Variants in SLC6A5 observed in about 807,000 individuals in gnomAD.
SLC6A5 encodes the protein solute carrier family 6 member 5, also known as sodium- and chloride-dependent glycine transporter 2.
In SLC6A5, 58 loss-of-function variants were observed where a neutral mutation model predicts 90.5. The ratio of observed to expected loss-of-function variants is 0.64; its 90% confidence interval spans 0.52 to 0.80. The LOEUF (loss-of-function observed/expected upper bound fraction) is 0.80, where lower values mean the gene tolerates loss of function less well. Among genes scored for constraint, SLC6A5 ranks in the 30% least tolerant of loss-of-function variants. The pLI is 0.00. For missense variants in SLC6A5, 1,015 were observed against 1,017.6 expected (o/e 1.00, Z 0.03); for synonymous variants, 427 against 401.4 (o/e 1.06, Z -0.76).
At chr11:20,650,762 G>T (rs947211006) in intron 14 of SLC6A5, among the ~76,000 whole-genome samples, 3 of 145,056 alleles carry the variant, frequency 2.1e-5, no homozygotes, top group Non-Finnish European at 3.0e-5. Context: ...CGCCTCCCGG[G>T]TTCACGCCAT....
At chr11:20,627,603 A>G (rs1339173951) in intron 8 of SLC6A5, among the ~76,000 whole-genome samples, 1 of 152,220 alleles carries the variant, frequency 6.6e-6, no homozygotes, top group Non-Finnish European at 1.5e-5. Context: ...CAGAAATGTC[A>G]GTTAAAAAGG....
chr11:20,628,293 G>T (rs1220303894), intron 9 of SLC6A5, among the ~76,000 whole-genome samples: 1 of 152,180 alleles, frequency 6.6e-6, no homozygotes, highest in Non-Finnish European at 1.5e-5. Context: ...TCTGACACAT[G>T]GGGGAGGCTC....
chr11:20,639,580 A>G (rs947145326), intron 13 of SLC6A5, among the ~76,000 whole-genome samples: 5 of 152,154 alleles, frequency 3.3e-5, no homozygotes, highest in African/African-American at 1.2e-4. Flanking sequence ...GGCCCAGCAA[A>G]GCTCACCCTA....
At chr11:20,653,880 T>A (rs1051101082) in intron 15 of SLC6A5, among the ~76,000 whole-genome samples, 1 of 152,210 alleles carries the variant, frequency 6.6e-6, no homozygotes, top group African/African-American at 2.4e-5. Context: ...GTTGGCTATA[T>A]AAATTTATTA....
chr11:20,635,108 C>G (rs1457441326), intron 10 of SLC6A5, among the ~76,000 whole-genome samples: 1 of 152,068 alleles, frequency 6.6e-6, no homozygotes, highest in Admixed American at 6.6e-5. Flanking sequence ...ATCAGAACCG[C>G]TAACTTCCAA....
At chr11:20,650,714 T>C (rs1045468583) in intron 14 of SLC6A5, among the ~76,000 whole-genome samples, 27 of 133,882 alleles carry the variant, frequency 2.0e-4, no homozygotes, top group Non-Finnish European at 3.1e-4. Context: ...TCGCCCAGGC[T>C]GGAGTGCAGT....
chr11:20,656,666 G>C lies in SLC6A5; in HGVS notation c.*1798G>C, dbSNP rs1853640406. The C allele has an allele frequency of 1.3e-5, 2 of 152,198 alleles. No homozygotes were observed. Among genetic ancestry groups the C allele is most frequent in the African/African-American group, 4.8e-5 (2 of 41,456 alleles). 9.4% of individuals were successfully genotyped at this position (152,198 alleles called of 1,614,324 possible). A position where few individuals can be genotyped will look rare whatever the true frequency, so the allele number is the denominator to read the frequency against. On this transcript the variant is annotated 3_prime_UTR_variant, in exon 16 of 16. Transcript: ENST00000525748. ...GAAAGGTTTTAGAAAAGGAAACAAAGATGGGTTTTGAACTTTAGATTTTCA... is the reference window on the plus strand; with the variant it reads ...GAAAGGTTTTAGAAAAGGAAACAAACATGGGTTTTGAACTTTAGATTTTCA...
chr11:20,638,684 AAG>A (rs1408634701), intron 13 of SLC6A5, 126 bp downstream of exon 13: 53 of 725,754 alleles, frequency 7.3e-5, no homozygotes, highest in African/African-American at 1.2e-4. Context: ...TAGGAAACCT[AAG>A]AGAGCTGCAC....
At chr11:20,603,715 C>A (rs1852521353) in intron 2 of SLC6A5, among the ~76,000 whole-genome samples, 1 of 152,142 alleles carries the variant, frequency 6.6e-6, no homozygotes, top group South Asian at 2.1e-4. Context: ...CTGGTTTGGT[C>A]AAGAAAGTAA....
intron 13 of SLC6A5, among the ~76,000 whole-genome samples, chr11:20,640,620 G>A (rs909753201): frequency 3.3e-5 from 5 of 151,816 alleles, no homozygotes; most frequent in Admixed American, 1.3e-4. Flanking sequence ...GTGGGTGTGC[G>A]CCTCTGATTT....
rs746610188 is a variant in SLC6A5 at position 20,601,411 on chromosome 11, G to C, written c.286G>C (p.Asp96His). 1.2e-6 allele frequency: 2 copies of C among 1,605,466 alleles called. No individual in the cohort carries two copies. ...GCAGGCGGCCTCTGCAGCTCTGCGG[G>C]ACTTGAGAGAGGCGCAAGGCGCGCA... is the stretch of plus-strand genomic sequence containing the variant. ...RAQAASAALR[D>H]LREAQGAQAS... The change falls in exon 2 of 16, where the codon GAC becomes CAC. Residue 96 changes from aspartate (D) to histidine (H), a missense_variant. By Grantham distance (81) the Asp-to-His change is moderately conservative. Around this residue, in one of 3 missense-constraint regions of SLC6A5, gnomAD observed 567 missense variants for 507.3 expected, o/e 1.12. Transcript: ENST00000525748.
chr11:20,649,813 A>G (rs945309320), intron 14 of SLC6A5, among the ~76,000 whole-genome samples: 10 of 152,230 alleles, frequency 6.6e-5, no homozygotes, highest in Admixed American at 1.3e-4. Context: ...GCAGCTTACC[A>G]TAATTACATT....
At chr11:20,639,343 A>G (rs1189893726) in intron 13 of SLC6A5, among the ~76,000 whole-genome samples, 1 of 152,102 alleles carries the variant, frequency 6.6e-6, no homozygotes, top group Non-Finnish European at 1.5e-5. Flanking sequence ...ACTAATATAT[A>G]TATAAGGCCA....
Position 20,633,523 on chromosome 11 carries a change from T to C in SLC6A5, c.1624+2708T>C, listed in dbSNP as rs569464519. On this transcript the variant is annotated intron_variant, in intron 10 of 15. Coordinates refer to ENST00000525748, the MANE Select transcript of SLC6A5 (RefSeq NM_004211.5). ...GGCTACCCAAGCTGTGCCATGGGCC[T>C]TGATGCATTGCACTGACCAGAGCCC... 1.1e-4 allele frequency among the ~76,000 whole-genome samples: 16 copies of C among 152,280 alleles called. No homozygotes were observed. The South Asian group carries it at 3.3e-3, about 32-fold the overall frequency.
At chr11:20,625,272 T>G (rs1852970674) in intron 7 of SLC6A5, among the ~76,000 whole-genome samples, 1 of 152,130 alleles carries the variant, frequency 6.6e-6, no homozygotes, top group Admixed American at 6.5e-5. Context: ...CTTTCTTTCT[T>G]TCTTTTGAGA....
At chr11:20,604,454 G>T in intron 3 of SLC6A5, 30 bp downstream of exon 3, 1 of 1,608,274 alleles carries the variant, frequency 6.2e-7, no homozygotes, top group Non-Finnish European at 8.5e-7. Context: ...TCCGCCTGCG[G>T]CGGGGCGGGG....
Position 20,638,488 on chromosome 11 carries a change from C to T in SLC6A5, c.1899C>T (p.Asp633=), listed in dbSNP as rs139047641. 108 of 1,612,952 alleles carry T rather than the reference C, an allele frequency of 6.7e-5. 1 individual carries two copies. In the African/African-American group the frequency reaches 1.3e-3, roughly 20 times the overall value. Residue 633 remains aspartate, a synonymous_variant, in exon 13 of 16, where the codon GAC becomes GAT. Transcript: ENST00000525748. ...QGGIYMFQLV[D]TYAASYALVI... ...GAATTTACATGTTTCAGCTTGTGGA[C>T]ACCTATGCTGCCTCCTATGCCCTTG...
chr11:20,605,317 T>C (rs1852557730), intron 3 of SLC6A5, among the ~76,000 whole-genome samples: 1 of 152,160 alleles, frequency 6.6e-6, no homozygotes, highest in Non-Finnish European at 1.5e-5. Context: ...TTTGTTTTTG[T>C]CTCTTGGGTC....
intron 3 of SLC6A5, among the ~76,000 whole-genome samples, chr11:20,605,217 GC>G (rs993546066): frequency 2.0e-5 from 3 of 152,148 alleles, no homozygotes; most frequent in Non-Finnish European, 4.4e-5. Context: ...TGAACCTAGA[GC>G]CCCGTCCCAC....
Sources: allele counts gnomAD v4.1 joint callset (sites outside exome capture counted in the v4.1 genomes callset), GRCh38; gene constraint gnomAD v4.1.1; regional missense constraint gnomAD v4.1.1; transcripts MANE v1.5; gene names NCBI Gene and HGNC (gene_info 2026-07-23, HGNC 2026-07-21).